Variants in RTN4RL1 observed in about 807,000 individuals in gnomAD.
RTN4RL1 encodes the protein reticulon-4 receptor-like 1.
RTN4RL1 carries 7 observed loss-of-function variants against 25.6 expected under a neutral mutation model. That is an observed-to-expected ratio of 0.27 (90% confidence interval 0.16 to 0.51). The LOEUF (loss-of-function observed/expected upper bound fraction) is 0.51, where lower values mean the gene tolerates loss of function less well. RTN4RL1 is among the 20% of genes least tolerant of loss of function. The probability of loss-of-function intolerance (pLI) is 0.97; values close to 1 mark genes in which losing one functional copy is unlikely to be tolerated. For missense variants in RTN4RL1, 500 were observed against 615.6 expected, an observed-to-expected ratio of 0.81 and a Z score of 1.99; for synonymous variants, 297 against 288.2, an observed-to-expected ratio of 1.03 and a Z score of -0.31.
rs2066923124 is a variant in RTN4RL1, at chr17:1,994,965, A to G, written c.13+29888T>C. The stretch of plus-strand genomic sequence containing the variant: ...AAAAAAAATCATGAAATGAGATGAC[A>G]GAGGCTGTCAACAGATGGCCAGAAA... On this transcript the variant is annotated intron_variant, in intron 1 of 1. Coordinates refer to ENST00000331238, the MANE Select transcript of RTN4RL1 (RefSeq NM_178568.4). This position sits in a 1 kb window ranked among gnomAD's most constrained non-coding sequence, Gnocchi z 4.3. 6.6e-6 allele frequency among the ~76,000 whole-genome samples: 1 copy of G among 151,578 alleles called. No homozygotes were observed. Among genetic ancestry groups the G allele is most frequent in the Non-Finnish European group, 1.5e-5 (1 of 67,936 alleles).
At position 1,937,420 on chromosome 17, in the gene RTN4RL1, C is replaced by T. The variant is rs749392795; in HGVS notation, c.402G>A (p.Lys134=). The T allele has an allele frequency of 6.8e-6, 11 of 1,613,860 alleles. No individual in the cohort carries two copies. The highest frequency in any genetic ancestry group is 6.6e-5 in the South Asian group (6 of 91,078). Residue 134 remains lysine (K), a synonymous_variant, in exon 2 of 2, where the codon AAG becomes AAA. Coordinates refer to ENST00000331238, the MANE Select transcript of RTN4RL1 (RefSeq NM_178568.4). ...CGGCCGGCAAGGCGCTGAGCCCACA[C>T]TTGTAGAGGTAGAGGGCGTGAAGCT... The part of the protein sequence containing the change: ...LVKLHALYLY[K]CGLSALPAGV...
Position 2,024,978 on chromosome 17 carries a change from C to G in RTN4RL1, c.-113G>C. 2 of 1,200,284 alleles carry G rather than the reference C, an allele frequency of 1.7e-6. No homozygotes were observed. The highest frequency in any genetic ancestry group is 2.3e-6 in the Non-Finnish European group (2 of 855,096). 74.4% of individuals were successfully genotyped at this position (1,200,284 alleles called of 1,614,324 possible). ...TAATCCGAGCGCGTCGAGGCGGGGG[C>G]AAGCCGGGGATCCGCTCGTGCCCGG... is the stretch of plus-strand genomic sequence containing the variant. On this transcript the variant is annotated 5_prime_UTR_variant, in exon 1 of 2. Transcript: ENST00000331238.
chr17:1,948,538 C>T (rs1241916259), intron 1 of RTN4RL1, among the ~76,000 whole-genome samples: 8 of 152,184 alleles, frequency 5.3e-5, no homozygotes, highest in African/African-American at 1.7e-4. Flanking sequence ...CACCCACTGC[C>T]GGACAGGCAG....
chr17:2,011,088 C>CT (rs397744997), intron 1 of RTN4RL1, among the ~76,000 whole-genome samples: 2 of 106,988 alleles, frequency 1.9e-5, no homozygotes, highest in African/African-American at 6.1e-5. Flanking sequence ...CCCGTCTCTA[C>CT]TAAAAATACA....
rs1915258947 is a variant in RTN4RL1 at position 1,934,782 on chromosome 17, T to G, written c.*1714A>C. On this transcript the variant is annotated 3_prime_UTR_variant, in exon 2 of 2. Coordinates refer to ENST00000331238, the MANE Select transcript of RTN4RL1 (RefSeq NM_178568.4). The surrounding 1 kb of genome is among the most constrained non-coding windows in gnomAD (Gnocchi z 4.0). Reference sequence around the variant, plus strand: ...CTCTCTGGTGGGGGATTCAGGTTTGTGCAAAGCACAAAGGAGCTTGTACCC... The same window carrying G: ...CTCTCTGGTGGGGGATTCAGGTTTGGGCAAAGCACAAAGGAGCTTGTACCC... The G allele has an allele frequency of 6.5e-6, 1 of 152,704 alleles. No homozygotes were observed. The highest frequency in any genetic ancestry group is 2.4e-5 in the African/African-American group (1 of 41,452). The allele number at this position is 152,704 out of a possible 1,614,324, so 9.5% of individuals were successfully genotyped here.
rs1017698423 is a variant in RTN4RL1 at position 1,948,608 on chromosome 17, TGGACGGGC to T, written c.14-10808_14-10801del. Among the ~76,000 whole-genome samples, 31 of 151,886 alleles carry T rather than the reference TGGACGGGC, an allele frequency of 2.0e-4. 1 individual carries two copies. The highest frequency in any genetic ancestry group is 6.0e-4 in the African/African-American group (25 of 41,410). ...ACACAGGCGGACGGGCAGACACAGG[TGGACGGGC>T]GGACGGGCGGATGGGCCCACCAAGT... is the stretch of plus-strand genomic sequence containing the variant. On this transcript the variant is annotated intron_variant, in intron 1 of 1. Transcript: ENST00000331238.
intron 1 of RTN4RL1, among the ~76,000 whole-genome samples, chr17:1,954,267 A>G (rs1313615551): frequency 6.6e-6 from 1 of 152,102 alleles, no homozygotes; most frequent in Non-Finnish European, 1.5e-5. Context: ...AAAAAAGTCT[A>G]ACTTACATAC....
intron 1 of RTN4RL1, among the ~76,000 whole-genome samples, chr17:1,971,801 A>AG (rs1324982601): frequency 6.6e-6 from 1 of 151,924 alleles, no homozygotes; most frequent in African/African-American, 2.4e-5. Context: ...TCTCTACTAA[A>AG]AATACAAAAC....
intron 1 of RTN4RL1, among the ~76,000 whole-genome samples, chr17:2,016,986 C>G (rs1464392798): frequency 6.6e-6 from 1 of 152,226 alleles, no homozygotes; most frequent in Non-Finnish European, 1.5e-5. Flanking sequence ...AAATGCAGAG[C>G]AAGGCTTCTT....
intron 1 of RTN4RL1, among the ~76,000 whole-genome samples, chr17:1,946,747 T>A (rs1394501831): frequency 7.3e-6 from 1 of 137,608 alleles, no homozygotes; most frequent in Admixed American, 7.3e-5. Flanking sequence ...GTGCACGGGG[T>A]CTGTGTGGAT....
intron 1 of RTN4RL1, among the ~76,000 whole-genome samples, chr17:2,012,594 C>G (rs1188388054): frequency 6.6e-6 from 1 of 151,636 alleles, no homozygotes; most frequent in African/African-American, 2.4e-5. Context: ...CCTTCTCTCT[C>G]TGTTTTTTTT....
chr17:1,957,494 A>G (rs771331104), intron 1 of RTN4RL1, among the ~76,000 whole-genome samples: 1 of 152,194 alleles, frequency 6.6e-6, no homozygotes, highest in Non-Finnish European at 1.5e-5. Context: ...CTCAATTATT[A>G]TAAGGGTATT....
At chr17:2,009,591 CAA>C (rs528797675) in intron 1 of RTN4RL1, among the ~76,000 whole-genome samples, 12 of 65,502 alleles carry the variant, frequency 1.8e-4, no homozygotes, top group African/African-American at 1.2e-4. Context: ...GACTCCGTCT[CAA>C]AAAAAAAAAA....
At chr17:1,977,330 C>G (rs1215237599) in intron 1 of RTN4RL1, among the ~76,000 whole-genome samples, 79 of 152,010 alleles carry the variant, frequency 5.2e-4, no homozygotes, top group Non-Finnish European at 1.6e-4. Context: ...CACGGCCACC[C>G]CAAGGTCGTT....
chr17:2,024,028 C>A (rs545424906), intron 1 of RTN4RL1, among the ~76,000 whole-genome samples: 29 of 152,240 alleles, frequency 1.9e-4, no homozygotes, highest in Middle Eastern at 3.4e-3. Context: ...GGGCTCCCGG[C>A]GTGATCACCT....
rs2066939499 is a variant in RTN4RL1 at position 1,998,338 on chromosome 17, G to A, written c.13+26515C>T. The stretch of plus-strand genomic sequence containing the variant: ...CCCTTTGGGCACCGGCCCCGCCCGG[G>A]AGGGTCTTCTCGCTCTAGAGCCGGG... On this transcript the variant is annotated intron_variant, in intron 1 of 1. Coordinates refer to ENST00000331238, the MANE Select transcript of RTN4RL1 (RefSeq NM_178568.4). This position sits in a 1 kb window ranked among gnomAD's most constrained non-coding sequence, Gnocchi z 4.9. Among the ~76,000 whole-genome samples the A allele has an allele frequency of 6.6e-6, 1 of 152,182 alleles. No individual in the cohort carries two copies. Among genetic ancestry groups the A allele is most frequent in the Admixed American group, 6.5e-5 (1 of 15,276 alleles).
At chr17:1,939,535 C>T (rs1024176972) in intron 1 of RTN4RL1, among the ~76,000 whole-genome samples, 4 of 152,150 alleles carry the variant, frequency 2.6e-5, no homozygotes, top group African/African-American at 9.7e-5. Flanking sequence ...TCCCCTCTCC[C>T]ACCTCACTCC....
At chr17:1,972,302 T>C (rs1469998834) in intron 1 of RTN4RL1, among the ~76,000 whole-genome samples, 4 of 146,530 alleles carry the variant, frequency 2.7e-5, no homozygotes, top group Non-Finnish European at 6.0e-5. Context: ...CAATACTCGG[T>C]CTCAAAAATA....
rs113474611 is a variant in RTN4RL1, at chr17:1,988,468, C to T, written c.13+36385G>A. On this transcript the variant is annotated intron_variant, in intron 1 of 1. Coordinates refer to ENST00000331238, the MANE Select transcript of RTN4RL1 (RefSeq NM_178568.4). ...GAATATGTTCAGTATTTTGTATTTA[C>T]TGTACTCCAGCCTGGGGGACAGAGA... Among the ~76,000 whole-genome samples, 1,026 of 138,898 alleles carry T rather than the reference C, an allele frequency of 7.4e-3. 22 individuals are homozygous for T. Among genetic ancestry groups the T allele is most frequent in the African/African-American group, 0.026 (981 of 37,150 alleles). 91.1% of individuals were successfully genotyped at this position (138,898 alleles called of 152,430 possible). A position where few individuals can be genotyped will look rare whatever the true frequency, so the allele number is the denominator to read the frequency against.
Sources: allele counts gnomAD v4.1 joint callset (sites outside exome capture counted in the v4.1 genomes callset), GRCh38; gene constraint gnomAD v4.1.1; non-coding constraint Gnocchi (gnomAD v3.1); transcripts MANE v1.5; gene names NCBI Gene and HGNC (gene_info 2026-07-23, HGNC 2026-07-21).